Variants in SLC7A13 observed in about 807,000 individuals in gnomAD.
SLC7A13 encodes X-amino acid transporter 2.
SLC7A13 carries 31 observed loss-of-function variants against 32.0 expected under a neutral mutation model. The observed-to-expected ratio is 0.97, with a 90% confidence interval of 0.73 to 1.31. SLC7A13 has a LOEUF of 1.31. SLC7A13 is among the 50% of genes most tolerant of loss of function. SLC7A13 has a pLI of 0.00. For missense variants in SLC7A13, 633 were observed against 546.9 expected, an observed-to-expected ratio of 1.16 and a Z score of -1.57; for synonymous variants, 232 against 206.9, an observed-to-expected ratio of 1.12 and a Z score of -1.04.
At chr8:86,224,487 T>C (rs1400334343) in intron 1 of SLC7A13, among the ~76,000 whole-genome samples, 2 of 152,356 alleles carry the variant, frequency 1.3e-5, no homozygotes, top group East Asian at 3.9e-4. Context: ...TGTATGCTCT[T>C]GACCATTCCT....
intron 2 of SLC7A13, among the ~76,000 whole-genome samples, chr8:86,219,397 G>GT (rs1470747147): frequency 6.6e-6 from 1 of 152,086 alleles, no homozygotes; most frequent in Non-Finnish European, 1.5e-5. Flanking sequence ...CACAAGGGAT[G>GT]TTTTTTCTTT....
Position 86,222,964 on chromosome 8 carries a change from A to C in SLC7A13, c.817+8T>G. On this transcript the variant is annotated splice_region_variant and intron_variant, in intron 2 of 3. Transcript: ENST00000297524. ...TTTATTTATTGCTTTAGCCATTTGC[A>C]TACAAACCTGAAGAGAGAATTTCCC... is the stretch of plus-strand genomic sequence containing the variant. 6.3e-7 allele frequency: 1 copy of C among 1,589,506 alleles called. No individual in the cohort carries two copies. Among genetic ancestry groups the C allele is most frequent in the South Asian group, 1.2e-5 (1 of 85,862 alleles).
chr8:86,224,065 A>T (rs1820349901), intron 1 of SLC7A13, among the ~76,000 whole-genome samples: 1 of 152,154 alleles, frequency 6.6e-6, no homozygotes, highest in African/African-American at 2.4e-5. Context: ...ATGAAATTTG[A>T]CCTCAAGAAG....
chr8:86,224,610 T>C (rs1029345555), intron 1 of SLC7A13, among the ~76,000 whole-genome samples: 2 of 152,178 alleles, frequency 1.3e-5, no homozygotes, highest in African/African-American at 4.8e-5. Context: ...CATCACACCA[T>C]TTCCCCAAAT....
At chr8:86,217,964 A>C in intron 2 of SLC7A13, 133 bp from the exon 3 acceptor site, 1 of 1,018,076 alleles carries the variant, frequency 9.8e-7, no homozygotes, top group Non-Finnish European at 1.4e-6. Context: ...TAATTTTATC[A>C]TTTATTTCCT....
Position 86,217,964 on chromosome 8 carries a change from A to T in SLC7A13, c.818-133T>A, listed in dbSNP as rs546168799. 4 of 1,018,076 alleles carry T rather than the reference A, an allele frequency of 3.9e-6. No individual in the cohort carries two copies. In the East Asian group the frequency reaches 1.1e-4, roughly 28 times the overall value. 63.1% of individuals were successfully genotyped at this position (1,018,076 alleles called of 1,614,324 possible). ...AACATTTAGTTTGCTTAATTTTATC[A>T]TTTATTTCCTTAGTTACACCTACAT... On this transcript the variant is annotated intron_variant, in intron 2 of 3. Transcript: ENST00000297524.
Position 86,217,796 on chromosome 8 carries a change from G to T in SLC7A13, c.853C>A (p.Pro285Thr). The change falls in exon 3 of 4, where the codon CCC (proline) becomes ACC (threonine). Residue 285 changes from proline (P) to threonine (T), a missense_variant. By Grantham distance (38) the Pro-to-Thr change is conservative. Coordinates refer to ENST00000297524, the MANE Select transcript of SLC7A13 (RefSeq NM_138817.3). Reference protein sequence around the residue: ...VAITWADRAFPSLAWIMPFAI... With the variant: ...VAITWADRAFTSLAWIMPFAI... ...AAAGGCATAATCCATGCTAATGAGG[G>T]AAAAGCTCGATCAGCCCATGTGATA... 1 of 1,601,404 alleles carries T rather than the reference G, an allele frequency of 6.2e-7. No individual in the cohort carries two copies. Among genetic ancestry groups the T allele is most frequent in the Non-Finnish European group, 8.5e-7 (1 of 1,174,980 alleles).
chr8:86,214,309 T>C lies in SLC7A13; in HGVS notation c.*104A>G, dbSNP rs1820139992. 2.9e-6 allele frequency: 2 copies of C among 687,776 alleles called. No homozygotes were observed. Among genetic ancestry groups the C allele is most frequent in the Middle Eastern group, 3.6e-4 (1 of 2,802 alleles). 42.6% of individuals were successfully genotyped at this position (687,776 alleles called of 1,614,324 possible). ...TCATTTGAGAAAAAAATATTTACCA[T>C]AGGAATTTCACCATGAATGTTCTAT... is the stretch of plus-strand genomic sequence containing the variant. On this transcript the variant is annotated 3_prime_UTR_variant, in exon 4 of 4. Transcript: ENST00000297524.
At position 86,221,555 on chromosome 8, in the gene SLC7A13, G is replaced by A. The variant is rs1046931162; in HGVS notation, c.817+1417C>T. ...ATGTATACGTGTGCCATGCTGGTGC[G>A]CTGCACCCACTAACTCGTCATCTAG... On this transcript the variant is annotated intron_variant, in intron 2 of 3. Transcript: ENST00000297524. Among the ~76,000 whole-genome samples, 17 of 152,046 alleles carry A rather than the reference G, an allele frequency of 1.1e-4. 1 individual carries two copies. Among genetic ancestry groups the A allele is most frequent in the South Asian group, 2.1e-4 (1 of 4,822 alleles).
At chr8:86,217,448 AG>A (rs778286604) in intron 3 of SLC7A13, 21 bp downstream of exon 3, 1 of 1,511,832 alleles carries the variant, frequency 6.6e-7, no homozygotes. Flanking sequence ...CACACAGAAA[AG>A]AATTAGAAAT....
intron 1 of SLC7A13, 99 bp from the exon 2 acceptor site, chr8:86,223,202 G>T (rs1820335213): frequency 5.1e-6 from 6 of 1,183,520 alleles, no homozygotes; most frequent in Admixed American, 2.8e-5. Context: ...AATTAATGGG[G>T]TACAAGCATG....
At chr8:86,216,737 C>T (rs748221710) in intron 3 of SLC7A13, among the ~76,000 whole-genome samples, 1 of 152,098 alleles carries the variant, frequency 6.6e-6, no homozygotes, top group Non-Finnish European at 1.5e-5. Context: ...AGCAAGTGAC[C>T]TAACTTTTCT....
Position 86,229,297 on chromosome 8 carries a change from C to A in SLC7A13, c.685+296G>T, listed in dbSNP as rs190271618. ...ATGGGTGAGGAATATTTTCACAACC[C>A]CAGCATTCATCCATTAACAGAAAGG... On this transcript the variant is annotated intron_variant, in intron 1 of 3. Coordinates refer to ENST00000297524, the MANE Select transcript of SLC7A13 (RefSeq NM_138817.3). 2.0e-5 allele frequency among the ~76,000 whole-genome samples: 3 copies of A among 152,238 alleles called. No homozygotes were observed. In the East Asian group the frequency reaches 5.8e-4, roughly 29 times the overall value.
chr8:86,225,550 G>C (rs1350588920), intron 1 of SLC7A13, among the ~76,000 whole-genome samples: 1 of 152,148 alleles, frequency 6.6e-6, no homozygotes, highest in Admixed American at 6.6e-5. Flanking sequence ...AGAGGAGATG[G>C]AGATTACAAT....
At chr8:86,225,905 T>C (rs929622589) in intron 1 of SLC7A13, among the ~76,000 whole-genome samples, 2 of 152,096 alleles carry the variant, frequency 1.3e-5, no homozygotes, top group African/African-American at 4.8e-5. Flanking sequence ...CACTCCAGCC[T>C]GGGTGATAAA....
chr8:86,220,810 A>G (rs1820282130), intron 2 of SLC7A13, among the ~76,000 whole-genome samples: 1 of 151,992 alleles, frequency 6.6e-6, no homozygotes, highest in Non-Finnish European at 1.5e-5. Context: ...CCTGGCCAAC[A>G]TGACAAAACC....
intron 3 of SLC7A13, among the ~76,000 whole-genome samples, chr8:86,216,081 C>T (rs762623009): frequency 5.3e-5 from 8 of 152,112 alleles, no homozygotes; most frequent in Non-Finnish European, 1.0e-4. Flanking sequence ...AGCAACTGGA[C>T]TTGAGCCCAA....
At position 86,229,582 on chromosome 8, in the gene SLC7A13, T is replaced by C. The variant is rs1187378464; in HGVS notation, c.685+11A>G. 5 of 1,596,270 alleles carry C rather than the reference T, an allele frequency of 3.1e-6. No individual in the cohort carries two copies. The East Asian group carries it at 6.7e-5, about 21-fold the overall frequency. ...CATGATTTTAGATTTTTTTCCTCAA[T>C]GGATTGTTACCTGCTATAAGTGTAA... On this transcript the variant is annotated intron_variant, in intron 1 of 3. Transcript: ENST00000297524.
At chr8:86,227,457 A>G (rs1449150903) in intron 1 of SLC7A13, among the ~76,000 whole-genome samples, 1 of 152,222 alleles carries the variant, frequency 6.6e-6, no homozygotes. Flanking sequence ...TCTGTCTAAC[A>G]TTGAAGGGAA....
Sources: gnomAD v4.1 joint callset for allele counts (sites outside exome capture counted in the v4.1 genomes callset) on GRCh38, gnomAD v4.1.1 for gene constraint, MANE v1.5 for transcripts, NCBI Gene and HGNC (gene_info 2026-07-23, HGNC 2026-07-21) for gene names.